Variants in ULK2 observed in about 807,000 individuals in gnomAD.
The protein encoded by ULK2 is serine/threonine-protein kinase ULK2.
In ULK2, 76 loss-of-function variants were observed where a neutral mutation model predicts 127.5. The observed-to-expected ratio is 0.60, with a 90% CI of 0.50 to 0.72. The LOEUF (loss-of-function observed/expected upper bound fraction) is 0.72, where lower values mean the gene tolerates loss of function less well. Ranked by LOEUF, ULK2 falls within the 30% of genes least tolerant of loss-of-function variation. ULK2 has a pLI of 0.00. For missense variants in ULK2, 1,144 were observed against 1,295.9 expected, an observed-to-expected ratio of 0.88 and a Z score of 1.80; for synonymous variants, 452 against 461.9, an observed-to-expected ratio of 0.98 and a Z score of 0.28.
intron 10 of ULK2, among the ~76,000 whole-genome samples, chr17:19,835,265 T>C (rs1176190686): frequency 6.6e-6 from 1 of 150,906 alleles, no homozygotes; most frequent in African/African-American, 2.4e-5. Flanking sequence ...TTCTCCTGCC[T>C]CAGCCTCTCG....
At chr17:19,832,749 A>G (rs143402302) in intron 10 of ULK2, among the ~76,000 whole-genome samples, 16 of 152,348 alleles carry the variant, frequency 1.1e-4, no homozygotes, top group African/African-American at 3.8e-4. Context: ...TACAAAAACA[A>G]TTTTGGAGAT....
chr17:19,837,333 T>G (rs1303942330), intron 10 of ULK2, among the ~76,000 whole-genome samples: 1 of 151,554 alleles, frequency 6.6e-6, no homozygotes, highest in Non-Finnish European at 1.5e-5. Flanking sequence ...GGTGGGAGGA[T>G]CACCTGAGCC....
chr17:19,848,670 G>A (rs148197711), intron 5 of ULK2, among the ~76,000 whole-genome samples: 5 of 151,936 alleles, frequency 3.3e-5, no homozygotes, highest in South Asian at 2.1e-4. Flanking sequence ...CCAGCTACTC[G>A]GGAGGCTGAG....
At position 19,775,491 on chromosome 17, in the gene ULK2, A is replaced by T. The variant is rs545310861; in HGVS notation, c.*858T>A. 6.6e-6 allele frequency: 1 copy of T among 152,666 alleles called. No individual in the cohort carries two copies. Among genetic ancestry groups the T allele is most frequent in the South Asian group, 2.1e-4 (1 of 4,824 alleles). The allele number at this position is 152,666 out of a possible 1,614,324, so 9.5% of individuals were successfully genotyped here. On this transcript the variant is annotated 3_prime_UTR_variant, in exon 27 of 27. Transcript: ENST00000395544. ...CCTAAGGTCACAGGCATCAATGTACATTCTGCATGCACAATAAAAAATGGA... is the reference window on the plus strand; with the variant it reads ...CCTAAGGTCACAGGCATCAATGTACTTTCTGCATGCACAATAAAAAATGGA...
At chr17:19,806,485 T>C (rs1008882150) in intron 14 of ULK2, among the ~76,000 whole-genome samples, 1 of 152,140 alleles carries the variant, frequency 6.6e-6, no homozygotes, top group Non-Finnish European at 1.5e-5. Flanking sequence ...ACACCTCTGG[T>C]TCCTCCCCCT....
intron 17 of ULK2, among the ~76,000 whole-genome samples, chr17:19,798,378 T>C (rs2087321418): frequency 6.6e-6 from 1 of 152,204 alleles, no homozygotes; most frequent in Non-Finnish European, 1.5e-5. Context: ...AAGAGATCCC[T>C]GTTTCCCCCC....
chr17:19,865,925 C>A (rs927271791), intron 1 of ULK2, 97 bp from the exon 2 acceptor site: 3 of 655,468 alleles, frequency 4.6e-6, no homozygotes, highest in African/African-American at 1.9e-5. Flanking sequence ...AATAAATGTA[C>A]GGCATTGGGG....
At chr17:19,857,610 G>T (rs1324444445) in intron 3 of ULK2, among the ~76,000 whole-genome samples, 2 of 152,134 alleles carry the variant, frequency 1.3e-5, no homozygotes, top group African/African-American at 4.8e-5. Flanking sequence ...TTACCAAGAG[G>T]TAGATATTTA....
At chr17:19,791,607 C>G (rs919933820) in intron 20 of ULK2, among the ~76,000 whole-genome samples, 3 of 152,090 alleles carry the variant, frequency 2.0e-5, no homozygotes, top group Admixed American at 2.0e-4. Flanking sequence ...ATCACTTGAA[C>G]CCAGGAGGAG....
intron 10 of ULK2, among the ~76,000 whole-genome samples, chr17:19,827,485 C>G (rs1041920787): frequency 6.6e-6 from 1 of 152,190 alleles, no homozygotes; most frequent in African/African-American, 2.4e-5. Flanking sequence ...ACAACTATTA[C>G]TACAGGAAAA....
At chr17:19,788,334 A>C (rs2087079252) in intron 20 of ULK2, among the ~76,000 whole-genome samples, 1 of 151,588 alleles carries the variant, frequency 6.6e-6, no homozygotes, top group Admixed American at 6.6e-5. Flanking sequence ...GACAAGAGAT[A>C]AAGGTAAAAA....
chr17:19,779,319 T>C (rs1397159449), intron 25 of ULK2, among the ~76,000 whole-genome samples: 1 of 151,342 alleles, frequency 6.6e-6, no homozygotes, highest in Admixed American at 6.6e-5. Flanking sequence ...TCACCTGAGG[T>C]CAAGAGTTCA....
intron 17 of ULK2, among the ~76,000 whole-genome samples, chr17:19,798,278 A>T (rs2087318741): frequency 6.6e-6 from 1 of 152,240 alleles, no homozygotes; most frequent in Non-Finnish European, 1.5e-5. Context: ...TAAATTACAC[A>T]CTTAAAACCG....
At chr17:19,785,275 A>G (rs1025620173) in intron 21 of ULK2, among the ~76,000 whole-genome samples, 1 of 152,136 alleles carries the variant, frequency 6.6e-6, no homozygotes, top group Non-Finnish European at 1.5e-5. Flanking sequence ...GCAATGGCGC[A>G]ATCTCGGCTC....
intron 10 of ULK2, among the ~76,000 whole-genome samples, chr17:19,832,852 G>A (rs926575193): frequency 3.3e-5 from 5 of 152,170 alleles, no homozygotes; most frequent in African/African-American, 1.2e-4. Flanking sequence ...ACCAGGCATC[G>A]TGGCTCATGC....
At chr17:19,788,181 G>A (rs992676836) in intron 20 of ULK2, among the ~76,000 whole-genome samples, 2 of 152,084 alleles carry the variant, frequency 1.3e-5, no homozygotes, top group African/African-American at 4.8e-5. Context: ...CTGGTGCCGT[G>A]CTGGGCTTAA....
intron 14 of ULK2, among the ~76,000 whole-genome samples, chr17:19,809,115 T>C (rs902802187): frequency 3.9e-5 from 6 of 152,202 alleles, no homozygotes; most frequent in African/African-American, 1.4e-4. Flanking sequence ...GCCTGTCACA[T>C]ACCACAACAT....
At chr17:19,795,434 AAG>A (rs2087248085) in intron 20 of ULK2, among the ~76,000 whole-genome samples, 186 bp downstream of exon 20, 1 of 151,926 alleles carries the variant, frequency 6.6e-6, no homozygotes, top group African/African-American at 2.4e-5. Flanking sequence ...GATACTGAAT[AAG>A]GTCCTATTCT....
At chr17:19,855,966 G>C (rs919275733) in intron 3 of ULK2, 1 of 151,886 alleles carries the variant, frequency 6.6e-6, no homozygotes, top group African/African-American at 2.4e-5. Context: ...AGTGAGATAT[G>C]ATGGCACCAC....
Sources: gnomAD v4.1 joint callset for allele counts (sites outside exome capture counted in the v4.1 genomes callset) on GRCh38, gnomAD v4.1.1 for gene constraint, MANE v1.5 for transcripts, NCBI Gene and HGNC (gene_info 2026-07-23, HGNC 2026-07-21) for gene names.